The following KIF4A variants were observed in gnomAD, a reference collection of about 807,000 sequenced individuals.
KIF4A encodes kinesin family member 4A, also known as chromosome-associated kinesin KIF4A.
Under a neutral mutation model 105.9 loss-of-function variants are expected in KIF4A, and 7 were observed. That is an observed-to-expected ratio of 0.07 (90% CI 0.04 to 0.12). The LOEUF (loss-of-function observed/expected upper bound fraction) is 0.12. Ranked by LOEUF, KIF4A falls within the 10% of genes least tolerant of loss-of-function variation. KIF4A has a pLI of 1.00. For synonymous variants in KIF4A, 281 were observed against 331.3 expected, an observed-to-expected ratio of 0.85 and a Z score of 1.65; for missense variants, 558 against 929.2, an observed-to-expected ratio of 0.60 and a Z score of 5.19.
chrX:70,412,692 G>T (rs947336422), intron 28 of KIF4A, among the ~76,000 whole-genome samples: 2 of 111,896 alleles, frequency 1.8e-5, no homozygotes, highest in Non-Finnish European at 3.8e-5. Context: ...GGAGGCTGAA[G>T]TGGGCAGATT....
At chrX:70,369,232 G>A (rs6624473) in intron 15 of KIF4A, among the ~76,000 whole-genome samples, 48,479 of 110,918 alleles carry the variant, frequency 0.44, 8,465 homozygotes, top group Non-Finnish European at 0.55. Flanking sequence ...TTCGGCTCAC[G>A]CTTGGTGCGC....
Position 70,404,051 on chromosome X carries a change from C to A in KIF4A, c.2790+17C>A. 8.3e-7 allele frequency: 1 copy of A among 1,203,197 alleles called. No individual in the cohort carries two copies. Among genetic ancestry groups the A allele is most frequent in the East Asian group, 3.0e-5 (1 of 33,757 alleles). On this transcript the variant is annotated intron_variant, in intron 24 of 30. Transcript: ENST00000374403. ...CAAGAGAAGGTAAACTCTAGCAAGT[C>A]AAGAAGCTATACTGTGAAACTATCA...
chrX:70,413,296 T>C (rs2086329687), intron 28 of KIF4A, among the ~76,000 whole-genome samples: 1 of 111,517 alleles, frequency 9.0e-6, no homozygotes, highest in African/African-American at 3.3e-5. Flanking sequence ...AAAGAAAATA[T>C]AGTGAAGTCA....
At chrX:70,291,701 T>A (rs1173338332) in intron 3 of KIF4A, among the ~76,000 whole-genome samples, 1 of 111,863 alleles carries the variant, frequency 8.9e-6, no homozygotes, top group Non-Finnish European at 1.9e-5. Context: ...CATTTGTATA[T>A]CATCTAGTTT....
At chrX:70,335,975 G>A (rs376317211) in intron 10 of KIF4A, among the ~76,000 whole-genome samples, 5 of 111,401 alleles carry the variant, frequency 4.5e-5, no homozygotes, top group East Asian at 2.8e-4. Flanking sequence ...TTCTCGCTAC[G>A]CCTGTATTTA....
At chrX:70,340,673 T>C (rs1187104501) in intron 10 of KIF4A, among the ~76,000 whole-genome samples, 1 of 111,914 alleles carries the variant, frequency 8.9e-6, no homozygotes, top group East Asian at 2.8e-4. Context: ...GTGGCCTTCC[T>C]ATTAACTTTT....
At chrX:70,351,129 C>G (rs935969078) in intron 13 of KIF4A, among the ~76,000 whole-genome samples, 6 of 112,321 alleles carry the variant, frequency 5.3e-5, no homozygotes, top group Non-Finnish European at 9.4e-5. Context: ...ACCATATCAT[C>G]TGTTCTTTTT....
Position 70,339,205 on chromosome X carries a change from T to TGCTC in KIF4A, c.1134-2594_1134-2593insGCTC, listed in dbSNP as rs1208855091. On this transcript the variant is annotated intron_variant, in intron 10 of 30. Transcript: ENST00000374403. ...TTTATTCTTATGTATGATGTGAGCA[T>TGCTC]ACTTTCAATATTTTTGTTTTCAATT... 1.4e-3 allele frequency among the ~76,000 whole-genome samples: 156 copies of TGCTC among 112,169 alleles called. 2 individuals carry two copies. The South Asian group carries it at 0.056, about 40-fold the overall frequency.
chrX:70,377,292 G>A (rs2086178743), intron 18 of KIF4A, among the ~76,000 whole-genome samples: 1 of 110,679 alleles, frequency 9.0e-6, no homozygotes, highest in South Asian at 3.8e-4. Flanking sequence ...GACTGGTCTC[G>A]AACTCCTGGG....
intron 7 of KIF4A, among the ~76,000 whole-genome samples, chrX:70,314,320 G>A (rs765366714): frequency 4.0e-4 from 45 of 112,078 alleles, no homozygotes; most frequent in East Asian, 8.3e-4. Context: ...GATATGGCCC[G>A]GCAGAATATT....
At chrX:70,312,398 A>G (rs1031919566) in intron 7 of KIF4A, among the ~76,000 whole-genome samples, 1 of 109,865 alleles carries the variant, frequency 9.1e-6, no homozygotes, top group Non-Finnish European at 1.9e-5. Context: ...GACCACCTCA[A>G]CCTCCCAAAG....
chrX:70,344,433 C>G (rs1232126043), intron 13 of KIF4A, among the ~76,000 whole-genome samples: 1 of 111,358 alleles, frequency 9.0e-6, no homozygotes, highest in Non-Finnish European at 1.9e-5. Flanking sequence ...CCATAAGTTC[C>G]CATTTTTGTT....
At chrX:70,330,135 A>G (rs749568589) in intron 8 of KIF4A, 22 bp from the exon 9 acceptor site, 1 of 1,146,027 alleles carries the variant, frequency 8.7e-7, no homozygotes, top group Non-Finnish European at 1.2e-6. Flanking sequence ...TCCTTTCGTT[A>G]TTCTTTATTG....
At chrX:70,343,669 C>T in intron 11 of KIF4A, 34 bp from the exon 12 acceptor site, 1 of 1,187,855 alleles carries the variant, frequency 8.4e-7, no homozygotes, top group Admixed American at 2.2e-5. Context: ...CTGTCAGGCA[C>T]CGCCACTGAT....
chrX:70,418,117 C>G lies in KIF4A; in HGVS notation c.3372+113C>G, dbSNP rs186924543. 1.8e-3 allele frequency: 952 copies of G among 538,805 alleles called. 7 individuals carry two copies. In the African/African-American group the frequency reaches 0.02, roughly 11 times the overall value. 44.4% of individuals were successfully genotyped at this position (538,805 alleles called of 1,213,427 possible). ...GAGTCTCCTGCACAGCTCTTCCAAC[C>G]CTTCTCCTTCCCTCTGCACCCAGAA... On this transcript the variant is annotated intron_variant, in intron 29 of 30. Coordinates refer to ENST00000374403, the MANE Select transcript of KIF4A (RefSeq NM_012310.5).
chrX:70,310,411 G>T (rs746404990), intron 7 of KIF4A, among the ~76,000 whole-genome samples: 46 of 109,331 alleles, frequency 4.2e-4, no homozygotes, highest in African/African-American at 1.5e-3. Flanking sequence ...GCTTTGATTA[G>T]TGATTTTCCT....
At chrX:70,322,017 C>T (rs1022538815) in intron 7 of KIF4A, among the ~76,000 whole-genome samples, 7 of 110,338 alleles carry the variant, frequency 6.3e-5, no homozygotes, top group Non-Finnish European at 1.1e-4. Context: ...CTATCTGAAA[C>T]ATAACCCAGG....
At chrX:70,392,070 A>T in intron 20 of KIF4A, among the ~76,000 whole-genome samples, 1 of 111,915 alleles carries the variant, frequency 8.9e-6, no homozygotes, top group Non-Finnish European at 1.9e-5. Context: ...ATACATAAAA[A>T]AACTTGTTTA....
Position 70,341,737 on chromosome X carries a change from C to T in KIF4A, c.1134-62C>T. On this transcript the variant is annotated intron_variant, in intron 10 of 30. Coordinates refer to ENST00000374403, the MANE Select transcript of KIF4A (RefSeq NM_012310.5). Reference sequence around the variant, plus strand: ...AAGGCCTATGGGATATATTTTTATCCACCTTTGATATAGGTATTATCAATC... The same window carrying T: ...AAGGCCTATGGGATATATTTTTATCTACCTTTGATATAGGTATTATCAATC... 13 of 1,102,408 alleles carry T rather than the reference C, an allele frequency of 1.2e-5. No individual in the cohort carries two copies. In the South Asian group the frequency reaches 2.8e-4, roughly 23 times the overall value. 90.9% of individuals were successfully genotyped at this position (1,102,408 alleles called of 1,213,427 possible).
Sources: gnomAD v4.1 joint callset for allele counts (sites outside exome capture counted in the v4.1 genomes callset) on GRCh38, gnomAD v4.1.1 for gene constraint, MANE v1.5 for transcripts, NCBI Gene and HGNC (gene_info 2026-07-23, HGNC 2026-07-21) for gene names.